The following RARB variants were observed in gnomAD, a reference collection of about 807,000 sequenced individuals.
RARB encodes HBV-activated protein.
Under a neutral mutation model 51.9 loss-of-function variants are expected in RARB, and 17 were observed. The ratio of observed to expected loss-of-function variants is 0.33; its 90% CI spans 0.22 to 0.49. The LOEUF (loss-of-function observed/expected upper bound fraction) is 0.49, where lower values mean the gene tolerates loss of function less well. RARB is among the 20% of genes least tolerant of loss of function. The pLI is 0.99. For missense variants in RARB, 369 were observed against 550.8 expected (o/e 0.67, Z 3.30); for synonymous variants, 215 against 195.4 (o/e 1.10, Z -0.84).
intron 1 of RARB, among the ~76,000 whole-genome samples, chr3:24,852,099 A>T (rs887749646): frequency 3.3e-5 from 5 of 152,130 alleles, no homozygotes; most frequent in African/African-American, 9.7e-5. Context: ...TCTGAACCTA[A>T]TTTTTTTGTT....
chr3:25,170,418 C>T (rs321546), intron 4 of RARB, among the ~76,000 whole-genome samples: 146,856 of 152,162 alleles, frequency 0.97, 70,889 homozygotes, highest in African/African-American at 0.98. Flanking sequence ...GGAGGCTCTT[C>T]CCAGAGTTTC....
chr3:25,412,955 G>T (rs903282303), intron 5 of RARB, among the ~76,000 whole-genome samples: 2 of 151,968 alleles, frequency 1.3e-5, no homozygotes. Context: ...GGAGGCGGAG[G>T]TTGTGGTGAG....
In RARB at chr3:25,479,439, A is replaced by G. The variant is rs143708751; in HGVS notation, c.306+18098A>G. Among the ~76,000 whole-genome samples, 143 of 152,308 alleles carry G rather than the reference A, an allele frequency of 9.4e-4. 1 individual carries two copies. Among genetic ancestry groups the G allele is most frequent in the African/African-American group, 3.3e-3 (136 of 41,580 alleles). On this transcript the variant is annotated intron_variant, in intron 2 of 7. Transcript: ENST00000330688. ...TTTTATTTTTCTTTTTTACATTTCAAATTAGATTAAAACCCCAAAAGCTAT... is the reference window on the plus strand; with the variant it reads ...TTTTATTTTTCTTTTTTACATTTCAGATTAGATTAAAACCCCAAAAGCTAT...
chr3:25,442,886 G>C (rs1708761176), intron 1 of RARB, among the ~76,000 whole-genome samples: 1 of 152,128 alleles, frequency 6.6e-6, no homozygotes, highest in African/African-American at 2.4e-5. Flanking sequence ...CTCCACACCT[G>C]CTTGGTTTTG....
Position 25,428,889 on chromosome 3 carries a change from G to T in RARB, c.157+1G>T. ...TGGCAGCATCGGCACACTGCTCAAT[G>T]TAGGTTTATTTTTTTCCCTTCTTCT... is the stretch of plus-strand genomic sequence containing the variant. On this transcript the variant is annotated splice_donor_variant, in intron 1 of 7. Coordinates refer to ENST00000330688, the MANE Select transcript of RARB (RefSeq NM_000965.5). LOFTEE classifies it high-confidence loss of function. 6.3e-7 allele frequency: 1 copy of T among 1,595,328 alleles called. No individual in the cohort carries two copies. Among genetic ancestry groups the T allele is most frequent in the South Asian group, 1.1e-5 (1 of 89,224 alleles).
chr3:25,081,795 G>A (rs1699009254), intron 3 of RARB, among the ~76,000 whole-genome samples: 1 of 150,074 alleles, frequency 6.7e-6, no homozygotes, highest in South Asian at 2.1e-4. Flanking sequence ...AGCTCGCCCA[G>A]CTAATTTTTG....
chr3:25,159,154 C>CTTTTTTTTTTTT (rs397874262), intron 4 of RARB, among the ~76,000 whole-genome samples: 1 of 65,304 alleles, frequency 1.5e-5, no homozygotes, highest in Non-Finnish European at 2.8e-5. Flanking sequence ...TCCAAATTGT[C>CTTTTTTTTTTTT]TTTTTTTTTT....
intron 5 of RARB, among the ~76,000 whole-genome samples, chr3:25,236,912 C>T (rs1702314473): frequency 2.0e-5 from 3 of 151,458 alleles, no homozygotes; most frequent in African/African-American, 7.3e-5. Flanking sequence ...TTTTAAACCC[C>T]GGAAATTCAG....
At chr3:25,093,308 T>C (rs1306809510) in intron 3 of RARB, among the ~76,000 whole-genome samples, 1 of 152,186 alleles carries the variant, frequency 6.6e-6, no homozygotes, top group Non-Finnish European at 1.5e-5. Context: ...AATTAGGAAG[T>C]AGTATTTCTC....
chr3:25,576,700 C>G (rs953744890), intron 4 of RARB, among the ~76,000 whole-genome samples: 2 of 152,184 alleles, frequency 1.3e-5, no homozygotes, highest in African/African-American at 4.8e-5. Context: ...TACCTGCCCT[C>G]TCCCATTGCC....
chr3:25,368,094 T>A (rs1208951820), intron 5 of RARB, among the ~76,000 whole-genome samples: 1 of 152,182 alleles, frequency 6.6e-6, no homozygotes, highest in African/African-American at 2.4e-5. Context: ...CTGACTTTTT[T>A]AGGGGGTAGG....
intron 3 of RARB, among the ~76,000 whole-genome samples, chr3:25,525,466 C>G (rs1470049628): frequency 1.3e-5 from 2 of 152,286 alleles, no homozygotes; most frequent in East Asian, 3.9e-4. Flanking sequence ...CTTCATAGAC[C>G]CCCCTCAGCA....
intron 5 of RARB, among the ~76,000 whole-genome samples, chr3:25,199,523 T>C (rs1454578972): frequency 6.6e-6 from 1 of 152,118 alleles, no homozygotes; most frequent in Non-Finnish European, 1.5e-5. Context: ...TACATATGTA[T>C]ACATGTGCCA....
chr3:25,446,802 C>CA (rs5847356), intron 1 of RARB, among the ~76,000 whole-genome samples: 1,329 of 69,052 alleles, frequency 0.019, 75 homozygotes, highest in Middle Eastern at 0.047. Context: ...GACTCCGTCT[C>CA]AAAAAAAAAA....
intron 5 of RARB, among the ~76,000 whole-genome samples, chr3:25,360,887 C>G (rs113426391): frequency 0.026 from 3,956 of 152,232 alleles, 171 homozygotes; most frequent in African/African-American, 0.086. Flanking sequence ...GTAACCTGAC[C>G]TTTCTCTCTG....
intron 3 of RARB, among the ~76,000 whole-genome samples, chr3:25,066,289 G>A (rs1371089795): frequency 1.3e-5 from 2 of 152,144 alleles, no homozygotes; most frequent in Non-Finnish European, 2.9e-5. Context: ...GGTTGACTAG[G>A]ATGTCAATGT....
chr3:25,318,635 A>T (rs1704487028), intron 5 of RARB, among the ~76,000 whole-genome samples: 1 of 152,162 alleles, frequency 6.6e-6, no homozygotes, highest in African/African-American at 2.4e-5. Context: ...AATGACAGGG[A>T]TCTGCTCAAG....
At position 25,065,122 on chromosome 3, in the gene RARB, ATT is replaced by A. The variant is rs72410181; in HGVS notation, c.-328+4958_-328+4959del. ...ATTTTAAATACGACTCTAGAACTTC[ATT>A]TTTTTTTTTTTCAGTTTCTGGAGTC... On this transcript the variant is annotated intron_variant, in intron 3 of 11. Transcript: ENST00000383772. Among the ~76,000 whole-genome samples the A allele has an allele frequency of 5.7e-3, 823 of 145,002 alleles. 11 individuals carry two copies. Among genetic ancestry groups the A allele is most frequent in the African/African-American group, 0.019 (775 of 39,986 alleles).
At chr3:25,317,604 A>C (rs1704462533) in intron 5 of RARB, among the ~76,000 whole-genome samples, 1 of 152,172 alleles carries the variant, frequency 6.6e-6, no homozygotes, top group Non-Finnish European at 1.5e-5. Context: ...ACAATCCATG[A>C]CTAAGTGGAA....
Sources: allele counts gnomAD v4.1 joint callset (sites outside exome capture counted in the v4.1 genomes callset), GRCh38; gene constraint gnomAD v4.1.1; transcripts MANE v1.5; gene names NCBI Gene and HGNC (gene_info 2026-07-23, HGNC 2026-07-21).